The following RABGAP1L variants were observed in gnomAD, a reference collection of about 807,000 sequenced individuals.
RABGAP1L encodes rab GTPase-activating protein 1-like.
RABGAP1L carries 63 observed loss-of-function variants against 137.7 expected under a neutral mutation model. The observed-to-expected ratio is 0.46, with a 90% confidence interval of 0.37 to 0.56. RABGAP1L has a LOEUF of 0.56. Ranked by LOEUF, RABGAP1L falls within the 20% of genes least tolerant of loss-of-function variation. The pLI is 0.00. For synonymous variants in RABGAP1L, 431 were observed against 433.7 expected (o/e 0.99, Z 0.08); for missense variants, 1,095 against 1,244.0 (o/e 0.88, Z 1.80).
chr1:174,535,874 A>G (rs1293866427), intron 13 of RABGAP1L, among the ~76,000 whole-genome samples: 1 of 152,190 alleles, frequency 6.6e-6, no homozygotes, highest in East Asian at 1.9e-4. Context: ...TAAAAATTAA[A>G]TATGTATAAT....
intron 19 of RABGAP1L, among the ~76,000 whole-genome samples, chr1:174,894,772 T>C (rs889301373): frequency 6.6e-6 from 1 of 152,114 alleles, no homozygotes; most frequent in South Asian, 2.1e-4. Flanking sequence ...TTTGTGTGTG[T>C]GTTTTTGAGA....
chr1:174,747,714 T>A (rs958805289), intron 17 of RABGAP1L, among the ~76,000 whole-genome samples: 6 of 152,076 alleles, frequency 3.9e-5, no homozygotes, highest in Non-Finnish European at 8.8e-5. Context: ...AAACACACAC[T>A]CACCTCCCTT....
At chr1:174,623,059 C>T (rs770021052) in intron 13 of RABGAP1L, among the ~76,000 whole-genome samples, 2 of 152,104 alleles carry the variant, frequency 1.3e-5, no homozygotes, top group African/African-American at 4.8e-5. Context: ...TTTTTCACAA[C>T]CTCAGTGAAC....
intron 17 of RABGAP1L, among the ~76,000 whole-genome samples, chr1:174,742,550 A>G (rs1019285790): frequency 7.9e-5 from 12 of 152,180 alleles, no homozygotes; most frequent in African/African-American, 2.9e-4. Flanking sequence ...TGGTATGAGC[A>G]CAAGAACTCT....
At chr1:174,664,266 A>G (rs1189379587) in intron 14 of RABGAP1L, among the ~76,000 whole-genome samples, 2 of 152,174 alleles carry the variant, frequency 1.3e-5, no homozygotes, top group African/African-American at 4.8e-5. Context: ...ACAATTGACT[A>G]TATATATTTG....
Position 174,550,983 on chromosome 1 carries a change from C to CATATATATACAT in RABGAP1L, c.1711-86383_1711-86382insCATATATATATA, listed in dbSNP as rs1553330240. 3.8e-4 allele frequency among the ~76,000 whole-genome samples: 32 copies of CATATATATACAT among 83,426 alleles called. 2 individuals are homozygous for CATATATATACAT. Among genetic ancestry groups the CATATATATACAT allele is most frequent in the African/African-American group, 2.4e-3 (24 of 10,186 alleles). The allele number at this position is 83,426 out of a possible 152,430, so 54.7% of individuals were successfully genotyped here. ...ACACATATATATACATGTATATATA[C>CATATATATACAT]ATATATATATATACACATATATATA... On this transcript the variant is annotated intron_variant, in intron 13 of 25. Transcript: ENST00000681986.
At chr1:174,209,943 A>G (rs1668760121) in intron 1 of RABGAP1L, among the ~76,000 whole-genome samples, 1 of 152,210 alleles carries the variant, frequency 6.6e-6, no homozygotes, top group African/African-American at 2.4e-5. Flanking sequence ...AAAGAGAATA[A>G]AAGTCTCTGC....
intron 19 of RABGAP1L, among the ~76,000 whole-genome samples, chr1:174,816,678 T>C (rs543101427): frequency 6.6e-6 from 1 of 152,152 alleles, no homozygotes; most frequent in Non-Finnish European, 1.5e-5. Context: ...GTAGCTTAGC[T>C]CTATGGCCAT....
At chr1:174,900,048 A>G (rs1657885286) in intron 19 of RABGAP1L, among the ~76,000 whole-genome samples, 1 of 152,240 alleles carries the variant, frequency 6.6e-6, no homozygotes, top group African/African-American at 2.4e-5. Flanking sequence ...TTTTAACTCA[A>G]TTTGGGAAAA....
intron 17 of RABGAP1L, among the ~76,000 whole-genome samples, chr1:174,711,601 C>T (rs926281119): frequency 2.0e-5 from 3 of 152,180 alleles, no homozygotes; most frequent in Non-Finnish European, 4.4e-5. Flanking sequence ...GCACCACGCT[C>T]GAATTCTCGC....
At chr1:174,951,359 C>G (rs1468368410) in intron 19 of RABGAP1L, among the ~76,000 whole-genome samples, 2 of 152,184 alleles carry the variant, frequency 1.3e-5, no homozygotes, top group South Asian at 2.1e-4. Flanking sequence ...CTATCCTCAA[C>G]TTATTTGTAA....
Position 174,637,470 on chromosome 1 carries a change from G to T in RABGAP1L, c.1806G>T (p.Ser602=). The T allele has an allele frequency of 1.2e-6, 2 of 1,605,500 alleles. No individual in the cohort carries two copies. The highest frequency in any genetic ancestry group is 1.1e-5 in the South Asian group (1 of 90,894). ...FKDTGGDGQE[S]LYKICKAYSV... is the part of the protein sequence containing the mutation. ...ATACTGGAGGAGATGGTCAAGAATC[G>T]CTCTATAAGATCTGCAAGGTAGGAC... is the stretch of plus-strand genomic sequence containing the variant. Residue 602 remains serine (S), a synonymous_variant, in exon 14 of 26, where the codon TCG becomes TCT. Transcript: ENST00000681986.
At chr1:174,269,682 G>C (rs1235248170) in intron 7 of RABGAP1L, among the ~76,000 whole-genome samples, 1 of 152,154 alleles carries the variant, frequency 6.6e-6, no homozygotes, top group African/African-American at 2.4e-5. Flanking sequence ...ATTTTTCAGT[G>C]AAGTCAGCTA....
intron 19 of RABGAP1L, among the ~76,000 whole-genome samples, chr1:174,888,159 A>G (rs1459407595): frequency 7.2e-5 from 11 of 152,236 alleles, no homozygotes; most frequent in Admixed American, 7.2e-4. Flanking sequence ...TATAAATGCA[A>G]AATAATTTTG....
chr1:174,232,403 C>T (rs1404157591), intron 4 of RABGAP1L, among the ~76,000 whole-genome samples: 3 of 150,044 alleles, frequency 2.0e-5, no homozygotes, highest in Non-Finnish European at 4.4e-5. Flanking sequence ...GAGAATCGCT[C>T]AAACTCGGGA....
intron 17 of RABGAP1L, among the ~76,000 whole-genome samples, chr1:174,711,470 T>A (rs1314073368): frequency 6.6e-6 from 1 of 152,054 alleles, no homozygotes; most frequent in Non-Finnish European, 1.5e-5. Context: ...GGGCGCGGGC[T>A]TGGCGGACCC....
At chr1:174,596,889 A>G (rs569482582) in intron 13 of RABGAP1L, among the ~76,000 whole-genome samples, 4 of 152,022 alleles carry the variant, frequency 2.6e-5, no homozygotes, top group Non-Finnish European at 4.4e-5. Context: ...TTTCTTCTCT[A>G]TCCAGTTTTT....
At chr1:174,345,816 G>C (rs1311985980) in intron 11 of RABGAP1L, among the ~76,000 whole-genome samples, 2 of 152,072 alleles carry the variant, frequency 1.3e-5, no homozygotes, top group African/African-American at 4.8e-5. Flanking sequence ...TCCTTGTTGT[G>C]TTCCACTATC....
At chr1:174,814,110 A>G (rs1340693721) in intron 19 of RABGAP1L, among the ~76,000 whole-genome samples, 1 of 152,136 alleles carries the variant, frequency 6.6e-6, no homozygotes, top group African/African-American at 2.4e-5. Context: ...GTTATTATCA[A>G]TCCAGAAACA....
Sources: gnomAD v4.1 joint callset for allele counts (sites outside exome capture counted in the v4.1 genomes callset) on GRCh38, gnomAD v4.1.1 for gene constraint, MANE v1.5 for transcripts, NCBI Gene and HGNC (gene_info 2026-07-23, HGNC 2026-07-21) for gene names.